Variants in CSMD1 observed in about 807,000 individuals in gnomAD.
The protein encoded by CSMD1 is CUB and sushi domain-containing protein 1.
CSMD1 carries 213 observed loss-of-function variants against 417.5 expected under a neutral mutation model. The ratio of observed to expected loss-of-function variants is 0.51; its 90% CI spans 0.46 to 0.57. The LOEUF (loss-of-function observed/expected upper bound fraction) is 0.57. Among genes scored for constraint, CSMD1 ranks in the 20% least tolerant of loss-of-function variants. The pLI, the probability that CSMD1 is intolerant of heterozygous loss-of-function variation, is 0.00. For missense variants in CSMD1, 6,923 were observed against 4,529.7 expected (o/e 1.53, Z -15.17); for synonymous variants, 2,862 against 1,736.8 (o/e 1.65, Z -16.11).
At chr8:4,899,046 G>C (rs985358006) in intron 1 of CSMD1, among the ~76,000 whole-genome samples, 2 of 152,120 alleles carry the variant, frequency 1.3e-5, no homozygotes, top group African/African-American at 4.8e-5. Flanking sequence ...TTTGGGGACA[G>C]CTTGATCATT....
chr8:3,989,631 A>G (rs1440126140), intron 5 of CSMD1, among the ~76,000 whole-genome samples: 1 of 152,240 alleles, frequency 6.6e-6, no homozygotes, highest in African/African-American at 2.4e-5. Context: ...ATAATTCAAA[A>G]AAAATTAAAG....
intron 26 of CSMD1, among the ~76,000 whole-genome samples, chr8:3,245,828 A>G (rs1799846339): frequency 6.6e-6 from 1 of 152,208 alleles, no homozygotes; most frequent in African/African-American, 2.4e-5. Context: ...TCTTGAGAAC[A>G]AGTCTGTAAT....
chr8:3,589,201 A>C (rs1800735081), intron 8 of CSMD1, among the ~76,000 whole-genome samples: 1 of 152,210 alleles, frequency 6.6e-6, no homozygotes, highest in Non-Finnish European at 1.5e-5. Flanking sequence ...AAAATTAAAA[A>C]TAGAACTACT....
chr8:4,632,150 C>A (rs559216849), intron 2 of CSMD1, among the ~76,000 whole-genome samples: 6 of 152,290 alleles, frequency 3.9e-5, no homozygotes, highest in Admixed American at 6.5e-5. Context: ...TACATTAAGT[C>A]ACGTTGGGTT....
chr8:4,713,856 A>G (rs922829986), intron 1 of CSMD1, among the ~76,000 whole-genome samples: 30 of 152,148 alleles, frequency 2.0e-4, no homozygotes, highest in African/African-American at 7.0e-4. Flanking sequence ...TCTTTTGAAG[A>G]TGGGCAGAAG....
At chr8:3,645,820 C>T (rs368916130) in intron 7 of CSMD1, among the ~76,000 whole-genome samples, 1 of 152,162 alleles carries the variant, frequency 6.6e-6, no homozygotes, top group African/African-American at 2.4e-5. Flanking sequence ...TCAAATGACA[C>T]TGGGCTACAA....
intron 23 of CSMD1, among the ~76,000 whole-genome samples, chr8:3,325,863 A>G (rs985052377): frequency 6.6e-6 from 1 of 152,202 alleles, no homozygotes; most frequent in South Asian, 2.1e-4. Flanking sequence ...AAACCCAAAA[A>G]TGAAAGTAAA....
intron 7 of CSMD1, among the ~76,000 whole-genome samples, chr8:3,697,192 A>AAGTCTGG (rs1179703781): frequency 6.6e-6 from 1 of 152,176 alleles, no homozygotes; most frequent in African/African-American, 2.4e-5. Context: ...CTAAATTATC[A>AAGTCTGG]AGTCTGGGCA....
chr8:4,665,293 C>T (rs547300949), intron 1 of CSMD1, among the ~76,000 whole-genome samples: 1 of 152,310 alleles, frequency 6.6e-6, no homozygotes, highest in East Asian at 1.9e-4. Context: ...CTCAGATTGG[C>T]CTTCCTCTCC....
chr8:3,587,266 C>T (rs548277637), intron 8 of CSMD1, among the ~76,000 whole-genome samples: 11 of 152,340 alleles, frequency 7.2e-5, no homozygotes, highest in African/African-American at 2.4e-4. Context: ...AGGCAGAGAT[C>T]AGGTTTGAAC....
chr8:4,132,457 T>G (rs529309369), intron 3 of CSMD1, among the ~76,000 whole-genome samples: 1 of 152,308 alleles, frequency 6.6e-6, no homozygotes, highest in Admixed American at 6.5e-5. Context: ...AAAATTCCAT[T>G]TAACTTTTAC....
chr8:3,374,087 G>A (rs1046273380), intron 18 of CSMD1, among the ~76,000 whole-genome samples: 3 of 151,740 alleles, frequency 2.0e-5, no homozygotes, highest in Non-Finnish European at 4.4e-5. Flanking sequence ...TCAATAGCTG[G>A]GATTACACAC....
At chr8:3,963,029 G>A (rs1434760614) in intron 5 of CSMD1, among the ~76,000 whole-genome samples, 2 of 152,012 alleles carry the variant, frequency 1.3e-5, no homozygotes, top group Non-Finnish European at 2.9e-5. Flanking sequence ...CTCTGCCTCC[G>A]AGGTTCAAGC....
intron 1 of CSMD1, among the ~76,000 whole-genome samples, chr8:4,739,256 A>G (rs958813230): frequency 1.2e-4 from 19 of 152,232 alleles, no homozygotes; most frequent in Non-Finnish European, 2.2e-4. Context: ...CTCTGTAAAT[A>G]TAGCAATGCA....
At chr8:4,940,109 G>A (rs1026839662) in intron 1 of CSMD1, among the ~76,000 whole-genome samples, 6 of 152,126 alleles carry the variant, frequency 3.9e-5, no homozygotes, top group Non-Finnish European at 2.9e-5. Flanking sequence ...GGGGGCTGCT[G>A]AGGAGGTCTT....
At position 4,906,880 on chromosome 8, in the gene CSMD1, C is replaced by A. The variant is rs1338902606; in HGVS notation, c.85+87452G>T. On this transcript the variant is annotated intron_variant, in intron 1 of 69. Coordinates refer to ENST00000635120, the MANE Select transcript of CSMD1 (RefSeq NM_033225.6). ...GCCTTGAGTTTCTTTTTTCAAAGTA[C>A]CTTTAGTTTCACAATGTGAGTAAAT... is the stretch of plus-strand genomic sequence containing the variant. Among the ~76,000 whole-genome samples the A allele has an allele frequency of 3.3e-5, 5 of 151,996 alleles. No individual in the cohort carries two copies. In the East Asian group the frequency reaches 9.7e-4, roughly 29 times the overall value.
chr8:3,636,478 C>G (rs1489673162), intron 7 of CSMD1, among the ~76,000 whole-genome samples: 3 of 152,178 alleles, frequency 2.0e-5, no homozygotes, highest in African/African-American at 7.2e-5. Context: ...TCTCCTGTCC[C>G]TGGAAGTAAA....
chr8:4,838,756 A>C (rs78415389), intron 1 of CSMD1, among the ~76,000 whole-genome samples: 2 of 152,174 alleles, frequency 1.3e-5, no homozygotes, highest in African/African-American at 4.8e-5. Flanking sequence ...AAGACTAACA[A>C]GGAAGCAGAC....
In CSMD1 at chr8:4,762,288, GGAGA is replaced by G. The variant is rs941289133; in HGVS notation, c.86-124734_86-124731del. 2.0e-5 allele frequency among the ~76,000 whole-genome samples: 3 copies of G among 151,916 alleles called. No individual in the cohort carries two copies. The South Asian group carries it at 6.2e-4, about 31-fold the overall frequency. ...AATTGTGTGGTTTACGGGTAATTGG[GGAGA>G]GAGAAAGAATAGCTGTTTACTGGTA... On this transcript the variant is annotated intron_variant, in intron 1 of 69. Transcript: ENST00000635120.
Sources: allele counts gnomAD v4.1 joint callset (sites outside exome capture counted in the v4.1 genomes callset), GRCh38; gene constraint gnomAD v4.1.1; transcripts MANE v1.5; gene names NCBI Gene and HGNC (gene_info 2026-07-23, HGNC 2026-07-21).